Variants in ADGRG1 observed in about 807,000 individuals in gnomAD.
ADGRG1 encodes adhesion G protein-coupled receptor G1.
A neutral mutation model predicts 73.5 loss-of-function variants in ADGRG1; 53 were observed. The observed-to-expected ratio is 0.72, with a 90% CI of 0.58 to 0.91. The LOEUF (loss-of-function observed/expected upper bound fraction) is 0.91. ADGRG1 is among the 40% of genes least tolerant of loss of function. The probability of loss-of-function intolerance (pLI) is 0.00; values close to 1 mark genes in which losing one functional copy is unlikely to be tolerated. For missense variants in ADGRG1, 795 were observed against 871.8 expected, an observed-to-expected ratio of 0.91 and a Z score of 1.11; for synonymous variants, 394 against 374.4, an observed-to-expected ratio of 1.05 and a Z score of -0.60.
chr16:57,654,961 C>T (rs1271476043), intron 5 of ADGRG1: 4 of 639,918 alleles, frequency 6.3e-6, no homozygotes, highest in Non-Finnish European at 7.8e-6. Context: ...TTCAAGCAGT[C>T]CTCTCGCCCT....
At chr16:57,636,538 T>G in intron 1 of ADGRG1, 1 of 985,270 alleles carries the variant, frequency 1.0e-6, no homozygotes, top group Non-Finnish European at 1.2e-6. Flanking sequence ...GATGGCTCAG[T>G]GCTTGAACCC....
At chr16:57,645,244 C>A in intron 1 of ADGRG1, 1 of 985,438 alleles carries the variant, frequency 1.0e-6, no homozygotes, top group Non-Finnish European at 1.2e-6. Flanking sequence ...CTGGGGGGGT[C>A]TTCCCCTCTG....
chr16:57,659,751 G>A (rs554028597), intron 11 of ADGRG1, 70 bp downstream of exon 11: 2 of 1,535,896 alleles, frequency 1.3e-6, no homozygotes, highest in South Asian at 2.3e-5. Flanking sequence ...CCAGGCACCT[G>A]GTTCTGCCTC....
chr16:57,640,047 C>T (rs138828139), intron 1 of ADGRG1: 33 of 170,980 alleles, frequency 1.9e-4, no homozygotes, highest in East Asian at 9.5e-4. Flanking sequence ...GCTGCACCCC[C>T]GGTGTCAGAA....
At chr16:57,646,917 G>T in intron 1 of ADGRG1, 1 of 984,968 alleles carries the variant, frequency 1.0e-6, no homozygotes. Flanking sequence ...GTGAGCAGAG[G>T]CAGGGCCCTT....
Position 57,657,506 on chromosome 16 carries a change from G to C in ADGRG1, c.1286+15G>C, listed in dbSNP as rs1219981598. The C allele has an allele frequency of 6.3e-7, 1 of 1,584,610 alleles. No homozygotes were observed. Among genetic ancestry groups the C allele is most frequent in the Admixed American group, 1.7e-5 (1 of 59,998 alleles). Reference sequence around the variant, plus strand: ...CTCTGCTCCAGGTGAGGCCTGAAAGGGGTGGGACAGGGGAGGGGACCCTCC... The same window carrying C: ...CTCTGCTCCAGGTGAGGCCTGAAAGCGGTGGGACAGGGGAGGGGACCCTCC... On this transcript the variant is annotated intron_variant, in intron 10 of 13. Coordinates refer to ENST00000562631, the MANE Select transcript of ADGRG1 (RefSeq NM_201525.4).
rs2044718997 is a variant in ADGRG1 at position 57,653,678 on chromosome 16, A to G, written c.621-308A>G. 4 of 869,530 alleles carry G rather than the reference A, an allele frequency of 4.6e-6. No individual in the cohort carries two copies. The Admixed American group carries it at 2.5e-4, about 54-fold the overall frequency. The allele number at this position is 869,530 out of a possible 1,614,324, so 53.9% of individuals were successfully genotyped here. A position where few individuals can be genotyped will look rare whatever the true frequency, so the allele number is the denominator to read the frequency against. ...GTTGGCACAGGCGGAGCTGGGCCCAAACCCATGGTGCTGAGTCCCAGGACA... is the reference window on the plus strand; with the variant it reads ...GTTGGCACAGGCGGAGCTGGGCCCAGACCCATGGTGCTGAGTCCCAGGACA... On this transcript the variant is annotated intron_variant, in intron 4 of 13. Coordinates refer to ENST00000562631, the MANE Select transcript of ADGRG1 (RefSeq NM_201525.4).
At chr16:57,620,518 A>G (rs2034582632), upstream of ADGRG1, among the ~76,000 whole-genome samples, 1 of 152,156 alleles carries the variant, frequency 6.6e-6, no homozygotes, top group Non-Finnish European at 1.5e-5. Flanking sequence ...TGCTTTCCGC[A>G]GCGCCCTGAG....
chr16:57,644,462 A>T (rs2041789976), intron 1 of ADGRG1, among the ~76,000 whole-genome samples: 1 of 147,652 alleles, frequency 6.8e-6, no homozygotes, highest in African/African-American at 2.5e-5. Context: ...GCACACACTC[A>T]TGCACGGGCA....
chr16:57,655,201 C>T (rs778351314), intron 5 of ADGRG1, 198 bp from the exon 6 acceptor site: 6 of 985,428 alleles, frequency 6.1e-6, no homozygotes, highest in Non-Finnish European at 6.0e-6. Context: ...ATTCTAACCA[C>T]AAGACTCCCC....
At position 57,661,378 on chromosome 16, in the gene ADGRG1, AG is replaced by A. The variant is rs1225793643; in HGVS notation, c.1665-316del. ...ATCCCCTGAACCCAAACCGGAAGCC[AG>A]GGTTCCTGAGCTCCAGCCTGGGAAG... is the stretch of plus-strand genomic sequence containing the variant. On this transcript the variant is annotated intron_variant, in intron 12 of 13. Coordinates refer to ENST00000562631, the MANE Select transcript of ADGRG1 (RefSeq NM_201525.4). The A allele has an allele frequency of 3.0e-5, 30 of 985,212 alleles. No homozygotes were observed. In the East Asian group the frequency reaches 3.0e-3, roughly 97 times the overall value. 61.0% of individuals were successfully genotyped at this position (985,212 alleles called of 1,614,324 possible). A position where few individuals can be genotyped will look rare whatever the true frequency, so the allele number is the denominator to read the frequency against.
At chr16:57,652,587 G>GTT in intron 3 of ADGRG1, 1 of 981,890 alleles carries the variant, frequency 1.0e-6, no homozygotes, top group Non-Finnish European at 1.2e-6. Flanking sequence ...CCTGTAGAGG[G>GTT]TTTTTAAAAA....
Position 57,653,264 on chromosome 16 carries a change from C to T in ADGRG1, c.549C>T (p.Leu183=), listed in dbSNP as rs1359082257. 6.2e-7 allele frequency: 1 copy of T among 1,612,968 alleles called. No homozygotes were observed. The highest frequency in any genetic ancestry group is 1.7e-5 in the Admixed American group (1 of 60,010). Residue 183 remains leucine, a synonymous_variant, in exon 4 of 14, where the codon CTC becomes CTT. Coordinates refer to ENST00000562631, the MANE Select transcript of ADGRG1 (RefSeq NM_201525.4). ...ACATGTGCGAGCTCAAAAGGGACCT[C>T]CAGCTGCTCAGCCAGTTCCTGAAGC... ...SVDMCELKRD[L]QLLSQFLKHP... is the part of the protein sequence containing the mutation.
intron 1 of ADGRG1, chr16:57,647,324 G>A (rs2042925050): frequency 1.0e-6 from 1 of 984,706 alleles, no homozygotes; most frequent in African/African-American, 1.7e-5. Context: ...TTCCCCTCAA[G>A]GTGCTCTGGT....
At chr16:57,660,999 G>T in intron 12 of ADGRG1, 123 bp downstream of exon 12, 1 of 733,416 alleles carries the variant, frequency 1.4e-6, no homozygotes, top group Non-Finnish European at 2.5e-6. Context: ...CGAGGAATTG[G>T]CCTGGCAGTG....
intron 1 of ADGRG1, chr16:57,647,388 G>A (rs775342452): frequency 3.5e-5 from 34 of 984,118 alleles, no homozygotes; most frequent in Non-Finnish European, 4.1e-5. Flanking sequence ...AGGGAGGAGG[G>A]GCCTGTGACA....
intron 1 of ADGRG1, chr16:57,630,971 G>A (rs186538700): frequency 3.5e-4 from 347 of 985,306 alleles, no homozygotes; most frequent in Middle Eastern, 2.6e-3. Flanking sequence ...TCTGCTCTGT[G>A]GGGGGGAAGA....
chr16:57,663,305 G>A lies in ADGRG1; in HGVS notation c.1934-147G>A, dbSNP rs542626992. On this transcript the variant is annotated intron_variant, in intron 13 of 13. Coordinates refer to ENST00000562631, the MANE Select transcript of ADGRG1 (RefSeq NM_201525.4). ...AGTGCCCGGCTCATAGGAGGTGCTC[G>A]CTGGGTCTCATGGGTGCCCGACAGC... The A allele has an allele frequency of 2.2e-4, 331 of 1,520,888 alleles. 2 individuals carry two copies. In the South Asian group the frequency reaches 3.4e-3, roughly 15 times the overall value. 94.2% of individuals were successfully genotyped at this position (1,520,888 alleles called of 1,614,324 possible). A position where few individuals can be genotyped will look rare whatever the true frequency, so the allele number is the denominator to read the frequency against.
chr16:57,655,206 C>T (rs1474868736), intron 5 of ADGRG1, 193 bp from the exon 6 acceptor site: 1 of 985,278 alleles, frequency 1.0e-6, no homozygotes, highest in African/African-American at 1.7e-5. Flanking sequence ...AACCACAAGA[C>T]TCCCCAGCCA....
Sources: gnomAD v4.1 joint callset for allele counts (sites outside exome capture counted in the v4.1 genomes callset) on GRCh38, gnomAD v4.1.1 for gene constraint, MANE v1.5 for transcripts, NCBI Gene and HGNC (gene_info 2026-07-23, HGNC 2026-07-21) for gene names.